UGT2A1: variants seen among roughly 807,000 people sequenced by gnomAD.
UGT2A1 encodes UDP glucuronosyltransferase family 2 member A1 complex locus.
Under a neutral mutation model 45.4 loss-of-function variants are expected in UGT2A1, and 61 were observed. The ratio of observed to expected loss-of-function variants is 1.34; its 90% confidence interval spans 1.09 to 1.66. The LOEUF (loss-of-function observed/expected upper bound fraction) is 1.66. Ranked by LOEUF, UGT2A1 falls within the 40% of genes most tolerant of loss-of-function variation. The pLI, the probability that UGT2A1 is intolerant of heterozygous loss-of-function variation, is 0.00. For missense variants in UGT2A1, 649 were observed against 574.3 expected (o/e 1.13, Z -1.33); for synonymous variants, 229 against 196.2 (o/e 1.17, Z -1.40).
intron 1 of UGT2A1, among the ~76,000 whole-genome samples, chr4:69,651,224 A>G (rs1275431005): frequency 1.3e-5 from 2 of 152,190 alleles, no homozygotes; most frequent in Admixed American, 1.3e-4. Flanking sequence ...GTTGTTAAGT[A>G]AAAAGATTTG....
At position 69,596,802 on chromosome 4, in the gene UGT2A1, A is replaced by C. The variant is rs186687535; in HGVS notation, c.997-1553T>G. Among the ~76,000 whole-genome samples, 3 of 152,340 alleles carry C rather than the reference A, an allele frequency of 2.0e-5. No individual in the cohort carries two copies. In the East Asian group the frequency reaches 5.8e-4, roughly 29 times the overall value. On this transcript the variant is annotated intron_variant, in intron 4 of 6. Coordinates refer to ENST00000286604, the MANE Select transcript of UGT2A1 (RefSeq NM_001252275.3). ...CTCCCAAAGTGCTGGAATTACAGGC[A>C]TGAGCCACTGTGCCCAGTCAGAAAT...
In UGT2A1 at chr4:69,599,029, C is replaced by A. The variant is rs377380225; in HGVS notation, c.996+217G>T. On this transcript the variant is annotated intron_variant, in intron 4 of 6. Transcript: ENST00000286604. ...TAGACACACTGATATTTGTAACACA[C>A]AGCTTTAATCATTTTATTCTTCAGT... Among the ~76,000 whole-genome samples, 24 of 152,224 alleles carry A rather than the reference C, an allele frequency of 1.6e-4. No homozygotes were observed. In the East Asian group the frequency reaches 2.9e-3, roughly 18 times the overall value.
At position 69,588,919 on chromosome 4, in the gene UGT2A1, C is replaced by T. The variant is rs1718412607; in HGVS notation, c.*453G>A. 1.3e-5 allele frequency: 2 copies of T among 153,510 alleles called. No individual in the cohort carries two copies. Among genetic ancestry groups the T allele is most frequent in the Non-Finnish European group, 2.9e-5 (2 of 68,958 alleles). 9.5% of individuals were successfully genotyped at this position (153,510 alleles called of 1,614,324 possible). A position where few individuals can be genotyped will look rare whatever the true frequency, so the allele number is the denominator to read the frequency against. On this transcript the variant is annotated 3_prime_UTR_variant, in exon 7 of 7. Transcript: ENST00000286604. ...ATTACCTTTCTCATAACACACTACTCTCCTACGGTGGCTCCCTGATTTGTT... is the reference window on the plus strand; with the variant it reads ...ATTACCTTTCTCATAACACACTACTTTCCTACGGTGGCTCCCTGATTTGTT...
At chr4:69,625,840 C>G (rs1260451868) in intron 3 of UGT2A1, among the ~76,000 whole-genome samples, 1 of 151,434 alleles carries the variant, frequency 6.6e-6, no homozygotes, top group African/African-American at 2.4e-5. Flanking sequence ...TGTAAGTTGT[C>G]CAACATAATA....
chr4:69,592,530 T>C (rs1181155545), intron 6 of UGT2A1, among the ~76,000 whole-genome samples: 1 of 152,136 alleles, frequency 6.6e-6, no homozygotes, highest in Non-Finnish European at 1.5e-5. Flanking sequence ...AGGAGATAGG[T>C]GAGCTGATGA....
chr4:69,595,051 G>A, intron 5 of UGT2A1, 111 bp downstream of exon 5: 1 of 1,401,994 alleles, frequency 7.1e-7, no homozygotes, highest in Non-Finnish European at 9.8e-7. Flanking sequence ...AAAATTGAGT[G>A]TCAAATAACA....
intron 3 of UGT2A1, among the ~76,000 whole-genome samples, chr4:69,604,977 C>A (rs148779677): frequency 0.076 from 10,342 of 135,954 alleles, 2,075 homozygotes; most frequent in Non-Finnish European, 0.11. Context: ...TAATGAGAGA[C>A]TTTGACACCC....
At chr4:69,639,207 A>G (rs1721906850) in intron 2 of UGT2A1, 1 of 1,613,718 alleles carries the variant, frequency 6.2e-7, no homozygotes, top group Non-Finnish European at 8.5e-7. Flanking sequence ...AAGTCTTGCC[A>G]TCAACTTTGG....
intron 2 of UGT2A1, among the ~76,000 whole-genome samples, chr4:69,646,590 CG>C (rs908821290): frequency 6.6e-6 from 1 of 151,616 alleles, no homozygotes; most frequent in African/African-American, 2.4e-5. Flanking sequence ...TAACATTTTC[CG>C]GCTTTCTCCA....
chr4:69,627,547 A>AG (rs373062331), intron 3 of UGT2A1, among the ~76,000 whole-genome samples: 87 of 91,322 alleles, frequency 9.5e-4, no homozygotes, highest in African/African-American at 2.7e-3. Context: ...AGAGAGAGAG[A>AG]AAGAGAGAGA....
intron 3 of UGT2A1, among the ~76,000 whole-genome samples, chr4:69,630,133 G>GC (rs1231361549): frequency 6.6e-6 from 1 of 151,832 alleles, no homozygotes; most frequent in African/African-American, 2.4e-5. Context: ...CTAAAATACA[G>GC]CCATATGGAT....
At chr4:69,590,710 A>T (rs60898419) in intron 6 of UGT2A1, among the ~76,000 whole-genome samples, 27,624 of 152,004 alleles carry the variant, frequency 0.18, 2,849 homozygotes, top group Non-Finnish European at 0.24. Flanking sequence ...GTAATTTCAC[A>T]TGGATCATCC....
At chr4:69,634,559 G>T (rs1250007683) in intron 3 of UGT2A1, among the ~76,000 whole-genome samples, 1 of 151,832 alleles carries the variant, frequency 6.6e-6, no homozygotes, top group Non-Finnish European at 1.5e-5. Context: ...TTAAGAGGCT[G>T]TTTTTTTCTT....
At chr4:69,618,451 A>G (rs1267721303) in intron 3 of UGT2A1, among the ~76,000 whole-genome samples, 1 of 151,912 alleles carries the variant, frequency 6.6e-6, no homozygotes, top group Non-Finnish European at 1.5e-5. Context: ...GGTGAATTCT[A>G]ACACATTTCT....
At chr4:69,636,496 A>G (rs1721718054) in intron 2 of UGT2A1, among the ~76,000 whole-genome samples, 1 of 151,928 alleles carries the variant, frequency 6.6e-6, no homozygotes, top group Admixed American at 6.6e-5. Flanking sequence ...TAGGATATTT[A>G]ATTTCTTAAA....
intron 3 of UGT2A1, among the ~76,000 whole-genome samples, chr4:69,615,604 T>G (rs558539457): frequency 8.6e-5 from 13 of 151,932 alleles, no homozygotes; most frequent in African/African-American, 2.9e-4. Context: ...AACAGGCAAG[T>G]GAAGAAATGG....
chr4:69,638,542 G>T (rs371890211), intron 2 of UGT2A1, among the ~76,000 whole-genome samples: 3 of 152,046 alleles, frequency 2.0e-5, no homozygotes, highest in Non-Finnish European at 4.4e-5. Flanking sequence ...AAGGAGGCAT[G>T]GTAAATCATG....
rs200411855 is a variant in UGT2A1 at position 69,639,436 on chromosome 4, A to G, written c.716-3614T>C. ...GGAGAATCGGGATTGGAGTTGATGA[A>G]TAGAGTTGCTGATGAAGCCAGTACA... On this transcript the variant is annotated intron_variant, in intron 2 of 6. Coordinates refer to ENST00000286604, the MANE Select transcript of UGT2A1 (RefSeq NM_001252275.3). 6.8e-5 allele frequency: 110 copies of G among 1,613,148 alleles called. 1 individual carries two copies. Among genetic ancestry groups the G allele is most frequent in the Admixed American group, 5.3e-4 (32 of 59,938 alleles).
At chr4:69,614,340 A>C (rs957536782) in intron 3 of UGT2A1, among the ~76,000 whole-genome samples, 3 of 152,056 alleles carry the variant, frequency 2.0e-5, no homozygotes, top group Non-Finnish European at 1.5e-5. Context: ...AAAAATGAAA[A>C]TGTTTTCTGT....
Sources: allele counts gnomAD v4.1 joint callset (sites outside exome capture counted in the v4.1 genomes callset), GRCh38; gene constraint gnomAD v4.1.1; transcripts MANE v1.5; gene names NCBI Gene and HGNC (gene_info 2026-07-23, HGNC 2026-07-21).